EPB41L5: variants seen among roughly 807,000 people sequenced by gnomAD.
EPB41L5 encodes band 4.1-like protein 5.
In EPB41L5, 55 loss-of-function variants were observed where a neutral mutation model predicts 106.6. That is an observed-to-expected ratio of 0.52 (90% CI 0.42 to 0.65). EPB41L5 has a LOEUF of 0.65. EPB41L5 is among the 30% of genes least tolerant of loss of function. The pLI is 0.00. For synonymous variants in EPB41L5, 297 were observed against 306.7 expected (o/e 0.97, Z 0.33); for missense variants, 871 against 882.1 (o/e 0.99, Z 0.16).
intron 14 of EPB41L5, among the ~76,000 whole-genome samples, chr2:120,093,914 T>A (rs1283655697): frequency 1.3e-5 from 2 of 152,216 alleles, no homozygotes; most frequent in Non-Finnish European, 2.9e-5. Context: ...CATCTTTCTC[T>A]TTATGTGAAT....
At chr2:120,164,613 T>G (rs566771835) in intron 21 of EPB41L5, among the ~76,000 whole-genome samples, 3 of 152,316 alleles carry the variant, frequency 2.0e-5, no homozygotes, top group Admixed American at 2.0e-4. Flanking sequence ...ATTTGAAAAT[T>G]TACATAGCAC....
intron 5 of EPB41L5, among the ~76,000 whole-genome samples, chr2:120,074,605 T>C (rs1380831117): frequency 6.6e-6 from 1 of 152,222 alleles, no homozygotes. Context: ...AGATTCTGAT[T>C]GGTTTGAATA....
At chr2:120,112,587 G>C (rs190022267) in intron 16 of EPB41L5, among the ~76,000 whole-genome samples, 1 of 152,258 alleles carries the variant, frequency 6.6e-6, no homozygotes, top group East Asian at 1.9e-4. Context: ...ATTTGCATCA[G>C]GTTTCCAGTG....
In EPB41L5 at chr2:120,078,492, G is replaced by A; in HGVS notation, c.715-1G>A. The A allele has an allele frequency of 6.3e-7, 1 of 1,596,928 alleles. No homozygotes were observed. Among genetic ancestry groups the A allele is most frequent in the Non-Finnish European group, 8.5e-7 (1 of 1,171,864 alleles). ...AACACATTTTTCTCCCCTTAAATTA[G>A]GCTAGAGATGGGAATGACTATAGTT... On this transcript the variant is annotated splice_acceptor_variant, in intron 9 of 24. Transcript: ENST00000263713. LOFTEE classifies it high-confidence loss of function.
rs1291837843 is a variant in EPB41L5, at chr2:120,075,534, ATTT to A, written c.452+15_452+17del. 6.5e-7 allele frequency: 1 copy of A among 1,533,326 alleles called. No homozygotes were observed. Among genetic ancestry groups the A allele is most frequent in the Non-Finnish European group, 9.0e-7 (1 of 1,109,552 alleles). The allele number at this position is 1,533,326 out of a possible 1,614,324, so 95.0% of individuals were successfully genotyped here. On this transcript the variant is annotated intron_variant, in intron 6 of 24. Transcript: ENST00000263713. ...TCTCAGTGGAAAGTGAGTATTAGTT[ATTT>A]AAGGATAAATGCACATTTTCGTGAG... is the stretch of plus-strand genomic sequence containing the variant.
chr2:120,146,220 CT>C lies in EPB41L5; in HGVS notation c.1729-3del. ...TTTACTTTTTTTAATATTTCATTTT[CT>C]TAGGTTACAAAAGAAGATAGCTTAT... On this transcript the variant is annotated splice_polypyrimidine_tract_variant and splice_region_variant and intron_variant, in intron 19 of 24. Transcript: ENST00000263713. The C allele has an allele frequency of 1.3e-6, 2 of 1,566,700 alleles. No homozygotes were observed. Among genetic ancestry groups the C allele is most frequent in the Non-Finnish European group, 1.8e-6 (2 of 1,139,776 alleles).
chr2:120,014,016 A>G (rs952157516), intron 1 of EPB41L5, among the ~76,000 whole-genome samples: 3 of 152,238 alleles, frequency 2.0e-5, no homozygotes, highest in African/African-American at 7.2e-5. Context: ...TGCAGGCTTT[A>G]GAAAATAGGT....
At chr2:120,076,364 C>A (rs929614846) in intron 7 of EPB41L5, among the ~76,000 whole-genome samples, 6 of 150,760 alleles carry the variant, frequency 4.0e-5, no homozygotes, top group Admixed American at 1.3e-4. Flanking sequence ...GGCTAGAGGG[C>A]AGTTGCATGA....
At chr2:120,148,875 A>G (rs1350998434) in intron 20 of EPB41L5, among the ~76,000 whole-genome samples, 1 of 152,180 alleles carries the variant, frequency 6.6e-6, no homozygotes, top group Non-Finnish European at 1.5e-5. Context: ...GTATATACCT[A>G]GGAGTAACAC....
intron 17 of EPB41L5, among the ~76,000 whole-genome samples, chr2:120,130,592 A>T (rs553560380): frequency 1.3e-5 from 2 of 152,378 alleles, no homozygotes; most frequent in Non-Finnish European, 2.9e-5. Context: ...GTAAATGGAC[A>T]GGAAAGATTT....
At chr2:120,070,461 C>T (rs749452047) in intron 3 of EPB41L5, among the ~76,000 whole-genome samples, 2 of 152,182 alleles carry the variant, frequency 1.3e-5, no homozygotes, top group East Asian at 1.9e-4. Flanking sequence ...AAAAGAGGGA[C>T]GCCTCCCTAA....
intron 21 of EPB41L5, among the ~76,000 whole-genome samples, chr2:120,161,219 AT>A: frequency 6.6e-6 from 1 of 152,090 alleles, no homozygotes; most frequent in Non-Finnish European, 1.5e-5. Context: ...TCTACCAATA[AT>A]ACAAAAAATA....
intron 20 of EPB41L5, among the ~76,000 whole-genome samples, chr2:120,155,347 T>C (rs1686856970): frequency 6.6e-6 from 1 of 152,214 alleles, no homozygotes; most frequent in African/African-American, 2.4e-5. Flanking sequence ...CTGGTCTGCA[T>C]GGTTTCTAAT....
In EPB41L5 at chr2:120,172,911, C is replaced by T. The variant is rs77469432; in HGVS notation, c.2136-1930C>T. On this transcript the variant is annotated intron_variant, in intron 24 of 24. Coordinates refer to ENST00000263713, the MANE Select transcript of EPB41L5 (RefSeq NM_020909.4). ...AAATTATATTACATGTCTGAATGTA[C>T]TGAGAAGAGATCCATGGTTTACCTG... Among the ~76,000 whole-genome samples, 1,330 of 152,236 alleles carry T rather than the reference C, an allele frequency of 8.7e-3. 14 individuals are homozygous for T. Among genetic ancestry groups the T allele is most frequent in the South Asian group, 0.015 (72 of 4,820 alleles).
rs540272558 is a variant in EPB41L5 at position 120,025,717 on chromosome 2, T to C, written c.180+6453T>C. ...TGGTAGGATGGCAGTACACCTCAAATTGATTGATGCATTCAGTGCAGTCCC... is the reference window on the plus strand; with the variant it reads ...TGGTAGGATGGCAGTACACCTCAAACTGATTGATGCATTCAGTGCAGTCCC... On this transcript the variant is annotated intron_variant, in intron 2 of 24. Transcript: ENST00000263713. Among the ~76,000 whole-genome samples the C allele has an allele frequency of 6.8e-4, 104 of 152,318 alleles. No individual in the cohort carries two copies. In the Middle Eastern group the frequency reaches 0.02, roughly 30 times the overall value.
At chr2:120,090,221 A>G (rs1173425891) in intron 11 of EPB41L5, 126 bp from the exon 12 acceptor site, 1 of 692,294 alleles carries the variant, frequency 1.4e-6, no homozygotes, top group Non-Finnish European at 2.3e-6. Flanking sequence ...TTGATACTAT[A>G]AAGAGTGTCT....
intron 10 of EPB41L5, among the ~76,000 whole-genome samples, chr2:120,085,786 C>T (rs1049847309): frequency 6.6e-6 from 1 of 152,208 alleles, no homozygotes; most frequent in African/African-American, 2.4e-5. Context: ...ATACCTCCAG[C>T]TTGTCCTGTG....
intron 13 of EPB41L5, among the ~76,000 whole-genome samples, chr2:120,092,277 C>A (rs1346980746): frequency 6.6e-6 from 1 of 152,128 alleles, no homozygotes; most frequent in African/African-American, 2.4e-5. Context: ...GATCCACCCA[C>A]CTTGGCCTCC....
intron 18 of EPB41L5, among the ~76,000 whole-genome samples, chr2:120,140,597 T>A (rs183358920): frequency 7.2e-5 from 11 of 152,230 alleles, no homozygotes; most frequent in African/African-American, 2.6e-4. Flanking sequence ...CAGAATCTAA[T>A]ACTTTTTGAG....
Sources: gnomAD v4.1 joint callset for allele counts (sites outside exome capture counted in the v4.1 genomes callset) on GRCh38, gnomAD v4.1.1 for gene constraint, MANE v1.5 for transcripts, NCBI Gene and HGNC (gene_info 2026-07-23, HGNC 2026-07-21) for gene names.